Variants in ZEB1 observed in about 807,000 individuals in gnomAD.
The protein encoded by ZEB1 is zinc finger E-box-binding homeobox 1.
ZEB1 carries 21 observed loss-of-function variants against 84.9 expected under a neutral mutation model. That is an observed-to-expected ratio of 0.25 (90% CI 0.18 to 0.36). The LOEUF is 0.36. Among genes scored for constraint, ZEB1 ranks in the 10% least tolerant of loss-of-function variants. The probability of loss-of-function intolerance (pLI) is 1.00; values close to 1 mark genes in which losing one functional copy is unlikely to be tolerated. For missense variants in ZEB1, 1,104 were observed against 1,330.2 expected, an observed-to-expected ratio of 0.83 and a Z score of 2.65; for synonymous variants, 420 against 471.1, an observed-to-expected ratio of 0.89 and a Z score of 1.41.
intron 1 of ZEB1, among the ~76,000 whole-genome samples, chr10:31,408,665 A>G (rs898331031): frequency 6.9e-6 from 1 of 144,844 alleles, no homozygotes; most frequent in Non-Finnish European, 1.5e-5. Context: ...TATTTAATAA[A>G]TGGTGCTGGG....
chr10:31,321,764 T>A, intron 1 of ZEB1: 1 of 585,712 alleles, frequency 1.7e-6, no homozygotes, highest in Non-Finnish European at 3.0e-6. Flanking sequence ...ACAGATGACT[T>A]AAGGGGGGAA....
chr10:31,458,380 A>G (rs1160602626), intron 1 of ZEB1, among the ~76,000 whole-genome samples: 1 of 146,720 alleles, frequency 6.8e-6, no homozygotes, highest in African/African-American at 2.6e-5. Context: ...GCCTCTTACT[A>G]TGAGTTAAAG....
intron 2 of ZEB1, among the ~76,000 whole-genome samples, chr10:31,475,960 C>A (rs1318396112): frequency 4.0e-5 from 6 of 151,858 alleles, no homozygotes; most frequent in African/African-American, 1.5e-4. Context: ...ACATAAAAGG[C>A]CTAAATATTC....
chr10:31,500,391 G>A (rs1591899937), intron 3 of ZEB1, among the ~76,000 whole-genome samples: 1 of 152,030 alleles, frequency 6.6e-6, no homozygotes. Flanking sequence ...AAATAATAGG[G>A]AGGTCATTAA....
intron 3 of ZEB1, among the ~76,000 whole-genome samples, chr10:31,496,086 C>T (rs2067191151): frequency 6.6e-6 from 1 of 151,958 alleles, no homozygotes; most frequent in South Asian, 2.1e-4. Context: ...ACAAGTATAA[C>T]CTACAGATAA....
At chr10:31,373,243 G>T (rs577007504) in intron 1 of ZEB1, 3 of 983,798 alleles carry the variant, frequency 3.0e-6, no homozygotes, top group Admixed American at 6.2e-5. Flanking sequence ...TATTATATTT[G>T]AATTAAAATT....
chr10:31,513,387 A>C lies in ZEB1; in HGVS notation c.688-1216A>C, dbSNP rs1355997597. 2.6e-5 allele frequency among the ~76,000 whole-genome samples: 4 copies of C among 152,136 alleles called. No individual in the cohort carries two copies. In the East Asian group the frequency reaches 7.7e-4, roughly 29 times the overall value. ...GCTGGCTTGCAGGAGGGAAATTAAG[A>C]GTTTGGTGTTAATCATGTTAAGTTT... is the stretch of plus-strand genomic sequence containing the variant. On this transcript the variant is annotated intron_variant, in intron 5 of 8. Transcript: ENST00000424869.
chr10:31,397,175 TTA>T (rs2050936891), intron 1 of ZEB1, among the ~76,000 whole-genome samples: 1 of 144,550 alleles, frequency 6.9e-6, no homozygotes, highest in East Asian at 2.0e-4. Context: ...ATTATTATTA[TTA>T]TTATTATTAT....
At chr10:31,456,382 C>G (rs1253671716) in intron 1 of ZEB1, among the ~76,000 whole-genome samples, 6 of 151,930 alleles carry the variant, frequency 3.9e-5, no homozygotes, top group Non-Finnish European at 8.8e-5. Context: ...GCGATGTACC[C>G]CAGAACTTAA....
At chr10:31,467,779 G>A (rs1044295335) in intron 2 of ZEB1, among the ~76,000 whole-genome samples, 2 of 151,938 alleles carry the variant, frequency 1.3e-5, no homozygotes, top group East Asian at 1.9e-4. Flanking sequence ...GGTTTTTCAG[G>A]TGGTACAGAA....
chr10:31,388,723 G>A (rs772693437), intron 1 of ZEB1, among the ~76,000 whole-genome samples: 5 of 151,820 alleles, frequency 3.3e-5, no homozygotes, highest in Admixed American at 1.3e-4. Context: ...CTATATATAC[G>A]TACAGTTTTT....
chr10:31,452,705 G>GTA (rs1486873643), intron 1 of ZEB1, among the ~76,000 whole-genome samples: 1 of 103,076 alleles, frequency 9.7e-6, no homozygotes, highest in Non-Finnish European at 1.9e-5. Flanking sequence ...GATAAAATGT[G>GTA]TGTGTGTGTG....
At chr10:31,496,354 AT>A (rs1225554971) in intron 3 of ZEB1, among the ~76,000 whole-genome samples, 4 of 152,074 alleles carry the variant, frequency 2.6e-5, no homozygotes, top group African/African-American at 9.7e-5. Flanking sequence ...ATTTTCTGTG[AT>A]TGAAAAAGAG....
At chr10:31,363,534 C>G in intron 1 of ZEB1, 1 of 1,528,606 alleles carries the variant, frequency 6.5e-7, no homozygotes, top group Non-Finnish European at 8.8e-7. Context: ...TTTTATTGTC[C>G]TCCTGCCCCT....
intron 1 of ZEB1, among the ~76,000 whole-genome samples, chr10:31,446,242 T>G (rs2059753740): frequency 6.6e-6 from 1 of 152,222 alleles, no homozygotes; most frequent in Non-Finnish European, 1.5e-5. Context: ...AGTTTGTATT[T>G]CTGTGGGATC....
chr10:31,385,829 G>A lies in ZEB1; in HGVS notation c.58+66537G>A, dbSNP rs140725879. ...GCATGAGCCACCACACCTGGCCAGC[G>A]TTTCTTCTTTTTCTCTCTAATTTAT... On this transcript the variant is annotated intron_variant, in intron 1 of 8. Transcript: ENST00000424869. 6.6e-5 allele frequency among the ~76,000 whole-genome samples: 10 copies of A among 152,040 alleles called. No homozygotes were observed. In the East Asian group the frequency reaches 1.9e-3, roughly 29 times the overall value.
At chr10:31,329,633 T>A (rs922848549) in intron 1 of ZEB1, among the ~76,000 whole-genome samples, 11 of 152,168 alleles carry the variant, frequency 7.2e-5, no homozygotes, top group Admixed American at 3.9e-4. Context: ...GCTGCAAAAT[T>A]GCAAACTGCT....
At chr10:31,337,727 C>A (rs2038472899) in intron 1 of ZEB1, among the ~76,000 whole-genome samples, 1 of 139,898 alleles carries the variant, frequency 7.1e-6, no homozygotes, top group African/African-American at 2.8e-5. Context: ...GCTGTGTCTC[C>A]CAGGCTGGAG....
chr10:31,523,654 G>A (rs1474906166), intron 7 of ZEB1, among the ~76,000 whole-genome samples: 3 of 151,958 alleles, frequency 2.0e-5, no homozygotes, highest in Non-Finnish European at 4.4e-5. Context: ...CTTTCTTTTC[G>A]GTGTCCTTGC....
Sources: allele counts gnomAD v4.1 joint callset (sites outside exome capture counted in the v4.1 genomes callset), GRCh38; gene constraint gnomAD v4.1.1; transcripts MANE v1.5; gene names NCBI Gene and HGNC (gene_info 2026-07-23, HGNC 2026-07-21).